Variants in PHF19 observed in about 807,000 individuals in gnomAD.
PHF19 encodes PHD finger protein 19.
In PHF19, 21 loss-of-function variants were observed where a neutral mutation model predicts 79.8. That is an observed-to-expected ratio of 0.26 (90% CI 0.19 to 0.38). The LOEUF (loss-of-function observed/expected upper bound fraction) is 0.38. Ranked by LOEUF, PHF19 falls within the 10% of genes least tolerant of loss-of-function variation. The pLI, the probability that PHF19 is intolerant of heterozygous loss-of-function variation, is 1.00. For synonymous variants in PHF19, 273 were observed against 296.3 expected (o/e 0.92, Z 0.81); for missense variants, 445 against 744.2 (o/e 0.60, Z 4.68).
At chr9:120,883,662 A>C (rs1368171436) in intron 1 of PHF19, among the ~76,000 whole-genome samples, 2 of 150,658 alleles carry the variant, frequency 1.3e-5, no homozygotes, top group African/African-American at 2.4e-5. Flanking sequence ...TGGGAGCCTG[A>C]GGTGGGAGGA....
rs1386929203 is a variant in PHF19, at chr9:120,870,427, T to C, written c.364+16A>G. Reference sequence around the variant, plus strand: ...ATAGGTCGGGGCCTTCTCAGGGCCCTGCTCGCTCCACTCACCCAGGCCACA... The same window carrying C: ...ATAGGTCGGGGCCTTCTCAGGGCCCCGCTCGCTCCACTCACCCAGGCCACA... On this transcript the variant is annotated intron_variant, in intron 4 of 14. Coordinates refer to ENST00000373896, the MANE Select transcript of PHF19 (RefSeq NM_015651.3). The surrounding 1 kb of genome is among the most constrained non-coding windows in gnomAD (Gnocchi z 4.4). 3 of 1,562,708 alleles carry C rather than the reference T, an allele frequency of 1.9e-6. No homozygotes were observed. In the South Asian group the frequency reaches 3.3e-5, roughly 17 times the overall value.
Position 120,860,683 on chromosome 9 carries a change from G to C in PHF19, c.1304+406C>G, listed in dbSNP as rs568603774. On this transcript the variant is annotated intron_variant, in intron 13 of 14. Transcript: ENST00000373896. This position sits in a 1 kb window ranked among gnomAD's most constrained non-coding sequence, Gnocchi z 4.1. ...TGATGGAAGATGCAGTTCCTCCCTT[G>C]GACATACTTAAGCATGGGGTGCTAT... is the stretch of plus-strand genomic sequence containing the variant. The C allele has an allele frequency of 4.2e-6, 1 of 239,058 alleles. No homozygotes were observed. Among genetic ancestry groups the C allele is most frequent in the South Asian group, 6.2e-5 (1 of 16,248 alleles). The allele number at this position is 239,058 out of a possible 1,614,324, so 14.8% of individuals were successfully genotyped here. A position where few individuals can be genotyped will look rare whatever the true frequency, so the allele number is the denominator to read the frequency against.
upstream of PHF19, among the ~76,000 whole-genome samples, chr9:120,897,978 CAAA>C (rs577932181): frequency 0.46 from 45,324 of 99,390 alleles, 9,185 homozygotes; most frequent in South Asian, 0.63. Context: ...GACCCCGTCT[CAAA>C]AAAAAAAAAA....
At chr9:120,859,757 G>T (rs998865533) in intron 14 of PHF19, among the ~76,000 whole-genome samples, 1 of 152,198 alleles carries the variant, frequency 6.6e-6, no homozygotes, top group Admixed American at 6.5e-5. Flanking sequence ...CTCATGGCAC[G>T]TGGAGGCCAA....
At chr9:120,872,836 A>G (rs2045943405) in intron 3 of PHF19, among the ~76,000 whole-genome samples, 1 of 151,874 alleles carries the variant, frequency 6.6e-6, no homozygotes, top group African/African-American at 2.4e-5. Flanking sequence ...TGGTCAGGCC[A>G]GTCTCAAACT....
In PHF19 at chr9:120,870,562, C is replaced by G; in HGVS notation, c.269-24G>C. On this transcript the variant is annotated intron_variant, in intron 3 of 14. Coordinates refer to ENST00000373896, the MANE Select transcript of PHF19 (RefSeq NM_015651.3). This position sits in a 1 kb window ranked among gnomAD's most constrained non-coding sequence, Gnocchi z 4.4. ...GGCTGAAAGAGAGGGCCTCGAGGGT[C>G]GGGTCCAGCTCACAGGAATGGAAGT... The G allele has an allele frequency of 7.2e-7, 1 of 1,387,032 alleles. No homozygotes were observed. The highest frequency in any genetic ancestry group is 1.0e-6 in the Non-Finnish European group (1 of 972,912). The allele number at this position is 1,387,032 out of a possible 1,614,324, so 85.9% of individuals were successfully genotyped here. A position where few individuals can be genotyped will look rare whatever the true frequency, so the allele number is the denominator to read the frequency against.
rs556541926 is a variant in PHF19, at chr9:120,875,338, G to C, written c.-15-582C>G. 3.3e-5 allele frequency among the ~76,000 whole-genome samples: 5 copies of C among 152,196 alleles called. No individual in the cohort carries two copies. In the South Asian group the frequency reaches 1.0e-3, roughly 32 times the overall value. On this transcript the variant is annotated intron_variant, in intron 1 of 14. Coordinates refer to ENST00000373896, the MANE Select transcript of PHF19 (RefSeq NM_015651.3). ...GATGATTTAATGGAAACCAATTCTG[G>C]GACATTTAAACCCACTTATGCTTTC...
chr9:120,876,343 C>T (rs1171607052), intron 1 of PHF19: 1 of 152,226 alleles, frequency 6.6e-6, no homozygotes, highest in Non-Finnish European at 1.5e-5. Context: ...CAGGCCGGGG[C>T]CGCTGCAGGT....
chr9:120,857,111 C>G lies in PHF19; in HGVS notation c.*833G>C, dbSNP rs2045377945. On this transcript the variant is annotated 3_prime_UTR_variant, in exon 15 of 15. Transcript: ENST00000373896. ...GGCACCAGAAACAGGTTTAGCAAGACATGGTTTCCCTCCCACCACTACCAC... is the reference window on the plus strand; with the variant it reads ...GGCACCAGAAACAGGTTTAGCAAGAGATGGTTTCCCTCCCACCACTACCAC... The G allele has an allele frequency of 6.6e-6, 1 of 152,330 alleles. No individual in the cohort carries two copies. The highest frequency in any genetic ancestry group is 6.5e-5 in the Admixed American group (1 of 15,278). The allele number at this position is 152,330 out of a possible 1,614,324, so 9.4% of individuals were successfully genotyped here.
rs114047625 is a variant in PHF19 at position 120,873,625 on chromosome 9, T to C, written c.268+354A>G. Among the ~76,000 whole-genome samples, 564 of 152,366 alleles carry C rather than the reference T, an allele frequency of 3.7e-3. 6 individuals are homozygous for C. The highest frequency in any genetic ancestry group is 0.013 in the African/African-American group (537 of 41,590). ...TCTGAATACCTGGGCACGCCCCCTT[T>C]TCTAGCCCAGACTGACGCAGAGCTT... On this transcript the variant is annotated intron_variant, in intron 3 of 14. Transcript: ENST00000373896.
intron 3 of PHF19, among the ~76,000 whole-genome samples, chr9:120,872,913 C>T (rs369149220): frequency 6.6e-6 from 1 of 152,098 alleles, no homozygotes; most frequent in Non-Finnish European, 1.5e-5. Flanking sequence ...TGAGCCACTG[C>T]GCCTGGCTGG....
chr9:120,894,093 C>G (rs948864982), intron 1 of PHF19, among the ~76,000 whole-genome samples: 1 of 152,190 alleles, frequency 6.6e-6, no homozygotes, highest in Non-Finnish European at 1.5e-5. Context: ...TCATTTGGAA[C>G]CTGTCACCTC....
At chr9:120,878,827 T>A (rs2046133559), upstream of PHF19, among the ~76,000 whole-genome samples, 1 of 152,188 alleles carries the variant, frequency 6.6e-6, no homozygotes, top group Non-Finnish European at 1.5e-5. Flanking sequence ...CATTTTCAAG[T>A]CCCAAAGGGG....
chr9:120,894,067 C>T (rs1425133218), intron 1 of PHF19, among the ~76,000 whole-genome samples: 1 of 152,154 alleles, frequency 6.6e-6, no homozygotes, highest in Non-Finnish European at 1.5e-5. Context: ...GTTTTTGGAC[C>T]ACTGGAATGG....
In PHF19 at chr9:120,864,573, C is replaced by T. The variant is rs146080751; in HGVS notation, c.901-457G>A. 5.4e-3 allele frequency among the ~76,000 whole-genome samples: 817 copies of T among 152,296 alleles called. 4 individuals carry two copies. Among genetic ancestry groups the T allele is most frequent in the African/African-American group, 0.018 (744 of 41,566 alleles). ...TGGCGGGCGCCTATAATCCCAGCTA[C>T]TTGGGAGGCGGAGGCAGGAGAATCA... is the stretch of plus-strand genomic sequence containing the variant. On this transcript the variant is annotated intron_variant, in intron 9 of 14. Transcript: ENST00000373896.
chr9:120,869,004 G>T lies in PHF19; in HGVS notation c.614+178C>A. ...GTCCCGCCCCCGAGGCCCCACCCCC[G>T]CGGCTGACACTCCAGGCCCGCCCCT... On this transcript the variant is annotated intron_variant, in intron 6 of 14. Transcript: ENST00000373896. This position sits in a 1 kb window ranked among gnomAD's most constrained non-coding sequence, Gnocchi z 5.8. 2.5e-5 allele frequency: 1 copy of T among 40,780 alleles called. No homozygotes were observed. Among genetic ancestry groups the T allele is most frequent in the Non-Finnish European group, 3.0e-5 (1 of 33,458 alleles). 2.5% of individuals were successfully genotyped at this position (40,780 alleles called of 1,614,324 possible). A position where few individuals can be genotyped will look rare whatever the true frequency, so the allele number is the denominator to read the frequency against.
intron 1 of PHF19, among the ~76,000 whole-genome samples, chr9:120,875,557 T>A (rs2046022605): frequency 6.6e-6 from 1 of 152,222 alleles, no homozygotes; most frequent in African/African-American, 2.4e-5. Flanking sequence ...TTAAGTGCCA[T>A]GATTTCTGGC....
At chr9:120,896,271 G>A (rs1203255483), upstream of PHF19, among the ~76,000 whole-genome samples, 1 of 152,190 alleles carries the variant, frequency 6.6e-6, no homozygotes, top group African/African-American at 2.4e-5. Flanking sequence ...ACTCTGCTAA[G>A]CTCTTAGGTC....
chr9:120,865,918 A>G lies in PHF19; in HGVS notation c.780-88T>C, dbSNP rs1429962090. ...GCTTTCTGGGTCCAGGCTGAGAGACAGGGGCAGGGTTGGGACCCAGTAGCT... is the reference window on the plus strand; with the variant it reads ...GCTTTCTGGGTCCAGGCTGAGAGACGGGGGCAGGGTTGGGACCCAGTAGCT... On this transcript the variant is annotated intron_variant, in intron 8 of 14. Transcript: ENST00000373896. 9 of 1,599,476 alleles carry G rather than the reference A, an allele frequency of 5.6e-6. No homozygotes were observed. The East Asian group carries it at 2.0e-4, about 36-fold the overall frequency.
Sources: allele counts gnomAD v4.1 joint callset (sites outside exome capture counted in the v4.1 genomes callset), GRCh38; gene constraint gnomAD v4.1.1; non-coding constraint Gnocchi (gnomAD v3.1); transcripts MANE v1.5; gene names NCBI Gene and HGNC (gene_info 2026-07-23, HGNC 2026-07-21).